INSC: variants seen among roughly 807,000 people sequenced by gnomAD.
INSC encodes INSC spindle orientation adaptor protein, also known as protein inscuteable homolog.
A neutral mutation model predicts 58.6 loss-of-function variants in INSC; 67 were observed. The ratio of observed to expected loss-of-function variants is 1.14; its 90% confidence interval spans 0.94 to 1.40. INSC has a LOEUF of 1.40. Ranked by LOEUF, INSC falls within the 40% of genes most tolerant of loss-of-function variation. The pLI is 0.00. For synonymous variants in INSC, 262 were observed against 276.1 expected, an observed-to-expected ratio of 0.95 and a Z score of 0.51; for missense variants, 714 against 692.0, an observed-to-expected ratio of 1.03 and a Z score of -0.36.
Position 15,193,450 on chromosome 11 carries a change from C to A in INSC, c.693+2636C>A, listed in dbSNP as rs149288883. Among the ~76,000 whole-genome samples, 861 of 152,324 alleles carry A rather than the reference C, an allele frequency of 5.7e-3. 5 individuals are homozygous for A. Among genetic ancestry groups the A allele is most frequent in the African/African-American group, 0.018 (748 of 41,576 alleles). ...TAATGCTATCCCTCCCCCATCCCCC[C>A]ACTCCACAACAGGCCTCAGTGTGTG... On this transcript the variant is annotated intron_variant, in intron 6 of 12. Transcript: ENST00000379556.
intron 2 of INSC, among the ~76,000 whole-genome samples, chr11:15,174,185 C>T (rs1255073796): frequency 1.3e-5 from 2 of 152,158 alleles, no homozygotes; most frequent in Non-Finnish European, 2.9e-5. Flanking sequence ...AGCCTTTGCA[C>T]TTGCTGATCT....
rs571154011 is a variant in INSC, at chr11:15,140,891, C to G, written c.-45-8239C>G. ...TGAGCCACTGCACACAGCCTCTGTT[C>G]TTCTTTTGAACTTGTCTCTCCATTG... On this transcript the variant is annotated intron_variant, in intron 1 of 12. Transcript: ENST00000379556. Among the ~76,000 whole-genome samples, 8 of 152,138 alleles carry G rather than the reference C, an allele frequency of 5.3e-5. No individual in the cohort carries two copies. In the East Asian group the frequency reaches 1.5e-3, roughly 29 times the overall value.
chr11:15,169,337 T>G (rs1849311199), intron 2 of INSC, among the ~76,000 whole-genome samples: 1 of 152,152 alleles, frequency 6.6e-6, no homozygotes, highest in Admixed American at 6.5e-5. Flanking sequence ...GAGAACAACT[T>G]CCACCCATAG....
intron 9 of INSC, among the ~76,000 whole-genome samples, chr11:15,226,693 G>A (rs1464144849): frequency 6.6e-6 from 1 of 152,164 alleles, no homozygotes; most frequent in Non-Finnish European, 1.5e-5. Flanking sequence ...AACTGAAGCT[G>A]CTTTGGTTTC....
At chr11:15,138,260 ATAT>A (rs1848292419) in intron 1 of INSC, among the ~76,000 whole-genome samples, 2 of 152,256 alleles carry the variant, frequency 1.3e-5, no homozygotes, top group Non-Finnish European at 2.9e-5. Context: ...AAAATTGGAA[ATAT>A]TATGAGAAAT....
intron 7 of INSC, among the ~76,000 whole-genome samples, chr11:15,213,534 C>A (rs1043047026): frequency 4.6e-5 from 7 of 152,158 alleles, no homozygotes; most frequent in South Asian, 2.1e-4. Flanking sequence ...AAATCCACCC[C>A]CAAAGCACCT....
chr11:15,194,145 T>A (rs1472121051), intron 6 of INSC, among the ~76,000 whole-genome samples: 3 of 152,232 alleles, frequency 2.0e-5, no homozygotes, highest in African/African-American at 7.2e-5. Flanking sequence ...TTCAAGACAC[T>A]TAGAGCAAAT....
chr11:15,213,355 T>G (rs1446815283), intron 7 of INSC, among the ~76,000 whole-genome samples: 1 of 152,232 alleles, frequency 6.6e-6, no homozygotes, highest in African/African-American at 2.4e-5. Flanking sequence ...TGGATATCTG[T>G]GTCTTTAAGA....
At chr11:15,163,245 A>C (rs1849078440) in intron 2 of INSC, among the ~76,000 whole-genome samples, 1 of 152,168 alleles carries the variant, frequency 6.6e-6, no homozygotes, top group South Asian at 2.1e-4. Context: ...TGATAGTGGA[A>C]TTTTCTGTCT....
the INSC span, among the ~76,000 whole-genome samples, chr11:15,266,970 T>C: frequency 6.6e-6 from 1 of 152,164 alleles, no homozygotes; most frequent in Admixed American, 6.6e-5. Context: ...TTGCATGTTT[T>C]ATTCCTTTGT....
intron 5 of INSC, 149 bp downstream of exon 5, chr11:15,178,596 A>C (rs191967841): frequency 2.0e-6 from 2 of 1,006,060 alleles, no homozygotes; most frequent in South Asian, 1.7e-5. Context: ...CAACTCCAGC[A>C]TTTGTGAAAC....
chr11:15,225,514 C>A, intron 8 of INSC, 136 bp from the exon 9 acceptor site: 1 of 853,274 alleles, frequency 1.2e-6, no homozygotes, highest in Non-Finnish European at 1.8e-6. Flanking sequence ...TCTCTAGTAG[C>A]CACTTTCCTC....
chr11:15,238,940 T>C lies in INSC; in HGVS notation c.1259T>C (p.Met420Thr), dbSNP rs1398727703. Reference protein sequence around the residue: ...QENGVQLIMGMLSEKPRSGTP... With the variant: ...QENGVQLIMGTLSEKPRSGTP... The stretch of plus-strand genomic sequence containing the variant: ...CTAGGGGTCCAGCTTATCATGGGCA[T>C]GCTGTCTGAAAAACCAAGGTCTGGG... The change falls in exon 11 of 13, where the codon ATG (methionine) becomes ACG (threonine). Residue 420 changes from methionine (M) to threonine (T), a missense_variant. Coordinates refer to ENST00000379556, the MANE Select transcript of INSC (RefSeq NM_001042536.3). The C allele has an allele frequency of 6.2e-7, 1 of 1,614,132 alleles. No individual in the cohort carries two copies.
At chr11:15,129,879 C>A (rs1204697708) in intron 1 of INSC, among the ~76,000 whole-genome samples, 4 of 152,306 alleles carry the variant, frequency 2.6e-5, no homozygotes, top group Admixed American at 2.6e-4. Context: ...CCCATGGACA[C>A]CTGGCTTGCC....
intron 6 of INSC, among the ~76,000 whole-genome samples, chr11:15,200,260 GT>G (rs1176849854): frequency 6.6e-6 from 1 of 151,780 alleles, no homozygotes; most frequent in African/African-American, 2.4e-5. Context: ...CCGGACTTCA[GT>G]TTTTTTGATC....
chr11:15,223,514 C>T (rs1276281710), intron 8 of INSC, among the ~76,000 whole-genome samples: 1 of 152,236 alleles, frequency 6.6e-6, no homozygotes, highest in African/African-American at 2.4e-5. Context: ...ATCTTCCTAA[C>T]ACATCCCAGG....
chr11:15,244,627 G>T (rs1852490092), intron 12 of INSC, among the ~76,000 whole-genome samples: 1 of 152,108 alleles, frequency 6.6e-6, no homozygotes, highest in Non-Finnish European at 1.5e-5. Context: ...TGTCTGGAAG[G>T]CCACTTTCCC....
At chr11:15,245,714 A>G (rs533705306) in intron 12 of INSC, among the ~76,000 whole-genome samples, 198 bp from the exon 13 acceptor site, 1 of 152,358 alleles carries the variant, frequency 6.6e-6, no homozygotes, top group Admixed American at 6.5e-5. Context: ...AAGCTAGCTG[A>G]CCAAGAGATG....
intron 5 of INSC, among the ~76,000 whole-genome samples, chr11:15,190,214 G>T (rs936055245): frequency 6.6e-6 from 1 of 152,218 alleles, no homozygotes; most frequent in Admixed American, 6.5e-5. Context: ...CTACTGTGGA[G>T]CACTTCTCTT....
Sources: gnomAD v4.1 joint callset for allele counts (sites outside exome capture counted in the v4.1 genomes callset) on GRCh38, gnomAD v4.1.1 for gene constraint, MANE v1.5 for transcripts, NCBI Gene and HGNC (gene_info 2026-07-23, HGNC 2026-07-21) for gene names.